Variants in GRK3 observed in about 807,000 individuals in gnomAD.
The protein encoded by GRK3 is G protein-coupled receptor kinase 3, also known as adrenergic, beta, receptor kinase 2.
Under a neutral mutation model 95.7 loss-of-function variants are expected in GRK3, and 54 were observed. The observed-to-expected ratio is 0.56, with a 90% confidence interval of 0.45 to 0.71. GRK3 has a LOEUF of 0.71. Among genes scored for constraint, GRK3 ranks in the 30% least tolerant of loss-of-function variants. The probability of loss-of-function intolerance (pLI) is 0.00; values close to 1 mark genes in which losing one functional copy is unlikely to be tolerated. For missense variants in GRK3, 649 were observed against 851.2 expected, an observed-to-expected ratio of 0.76 and a Z score of 2.96; for synonymous variants, 281 against 290.8, an observed-to-expected ratio of 0.97 and a Z score of 0.34.
Position 25,687,544 on chromosome 22 carries a change from T to C in GRK3, c.834T>C (p.Asp278=). Reference sequence around the variant, plus strand: ...TTCTGAATCTGATTCCAGGGGGCGATTTGCACTACCACCTTTCACAACACG... The same window carrying C: ...TTCTGAATCTGATTCCAGGGGGCGACTTGCACTACCACCTTTCACAACACG... ...CFILDLMNGG[D]LHYHLSQHGV... Residue 278 remains aspartate, a synonymous_variant, in exon 11 of 21, where the codon GAT becomes GAC. Transcript: ENST00000324198. The C allele has an allele frequency of 6.2e-7, 1 of 1,613,038 alleles. No individual in the cohort carries two copies. Among genetic ancestry groups the C allele is most frequent in the Non-Finnish European group, 8.5e-7 (1 of 1,179,676 alleles).
chr22:25,681,911 C>T (rs912415948), intron 9 of GRK3, among the ~76,000 whole-genome samples: 2 of 152,008 alleles, frequency 1.3e-5, no homozygotes, highest in Non-Finnish European at 2.9e-5. Flanking sequence ...AACTGTATCC[C>T]ACCCTTCATT....
At chr22:25,578,975 C>A (rs971980098) in intron 1 of GRK3, among the ~76,000 whole-genome samples, 1 of 152,012 alleles carries the variant, frequency 6.6e-6, no homozygotes, top group African/African-American at 2.4e-5. Flanking sequence ...GATCCCCAAA[C>A]AAGACAGAAG....
At chr22:25,614,153 G>A (rs978426300) in intron 2 of GRK3, among the ~76,000 whole-genome samples, 2 of 151,846 alleles carry the variant, frequency 1.3e-5, no homozygotes, top group Non-Finnish European at 2.9e-5. Flanking sequence ...TTTTGAGACG[G>A]GTCTCATTCT....
intron 4 of GRK3, 50 bp from the exon 5 acceptor site, chr22:25,663,580 C>T: frequency 2.4e-6 from 3 of 1,238,076 alleles, no homozygotes; most frequent in Non-Finnish European, 2.3e-6. Context: ...ATAACATACA[C>T]AGATTGGTTA....
chr22:25,600,933 A>G lies in GRK3; in HGVS notation c.114-3444A>G, dbSNP rs75450881. 6.4e-3 allele frequency among the ~76,000 whole-genome samples: 981 copies of G among 152,360 alleles called. 17 individuals carry two copies. Among genetic ancestry groups the G allele is most frequent in the African/African-American group, 0.023 (936 of 41,586 alleles). ...AACAGGCATTAAAAAGGTGTATTTC[A>G]TAATGATCATGGGGTTATTTCACCA... is the stretch of plus-strand genomic sequence containing the variant. On this transcript the variant is annotated intron_variant, in intron 1 of 20. Coordinates refer to ENST00000324198, the MANE Select transcript of GRK3 (RefSeq NM_005160.4).
intron 18 of GRK3, among the ~76,000 whole-genome samples, chr22:25,717,835 A>C (rs1186227769): frequency 6.6e-6 from 1 of 152,196 alleles, no homozygotes; most frequent in Non-Finnish European, 1.5e-5. Context: ...TATTATTTTT[A>C]AGATAAAAGG....
rs538345775 is a variant in GRK3, at chr22:25,654,836, C to T, written c.265-6740C>T. Among the ~76,000 whole-genome samples, 12 of 152,274 alleles carry T rather than the reference C, an allele frequency of 7.9e-5. No individual in the cohort carries two copies. The South Asian group carries it at 2.5e-3, about 32-fold the overall frequency. On this transcript the variant is annotated intron_variant, in intron 3 of 20. Transcript: ENST00000324198. ...CTTGAAGCATTGGTGTTTCTCTTAG[C>T]TGGCATCCTCCCCAGCTCTTCTCAC...
At chr22:25,691,366 C>T (rs917375033) in intron 12 of GRK3, among the ~76,000 whole-genome samples, 2 of 152,078 alleles carry the variant, frequency 1.3e-5, no homozygotes, top group Admixed American at 6.6e-5. Context: ...ACAGATCCTT[C>T]TCTTTGTGTA....
intron 2 of GRK3, among the ~76,000 whole-genome samples, chr22:25,608,015 C>G (rs1042703876): frequency 5.3e-5 from 8 of 152,128 alleles, no homozygotes; most frequent in African/African-American, 1.9e-4. Context: ...CTGTGTACGT[C>G]GTAGCAGGAG....
chr22:25,692,323 G>T (rs776044507), intron 12 of GRK3, among the ~76,000 whole-genome samples: 2 of 152,170 alleles, frequency 1.3e-5, no homozygotes, highest in South Asian at 4.1e-4. Flanking sequence ...TAAAGGCTCT[G>T]GAGCCAACAG....
chr22:25,692,061 C>A (rs2085169024), intron 12 of GRK3, among the ~76,000 whole-genome samples: 1 of 152,112 alleles, frequency 6.6e-6, no homozygotes, highest in Non-Finnish European at 1.5e-5. Context: ...CCTCCCGGGC[C>A]CAAGTGATCC....
At chr22:25,698,257 GA>G (rs1248645129) in intron 13 of GRK3, among the ~76,000 whole-genome samples, 1 of 151,582 alleles carries the variant, frequency 6.6e-6, no homozygotes, top group Non-Finnish European at 1.5e-5. Flanking sequence ...AAAAGGGAAG[GA>G]AGGAAGGGAG....
intron 2 of GRK3, among the ~76,000 whole-genome samples, chr22:25,637,853 C>T (rs1404851712): frequency 6.6e-6 from 1 of 152,204 alleles, no homozygotes; most frequent in Non-Finnish European, 1.5e-5. Flanking sequence ...TCCAGGATAG[C>T]TGATGGTGCA....
chr22:25,705,989 G>T (rs1019731731), intron 15 of GRK3, among the ~76,000 whole-genome samples: 30 of 152,096 alleles, frequency 2.0e-4, no homozygotes, highest in Non-Finnish European at 5.9e-5. Flanking sequence ...TCAGCTTGGA[G>T]ACCACCCTTT....
rs555204803 is a variant in GRK3 at position 25,569,751 on chromosome 22, C to G, written c.113+4598C>G. Among the ~76,000 whole-genome samples the G allele has an allele frequency of 5.9e-5, 9 of 152,310 alleles. No homozygotes were observed. The South Asian group carries it at 1.9e-3, about 32-fold the overall frequency. On this transcript the variant is annotated intron_variant, in intron 1 of 20. Transcript: ENST00000324198. ...CCTGGCAAGGGAAAGAGAAGTTTAACGTCCATGATGTAATAATGTAATAAC... is the reference window on the plus strand; with the variant it reads ...CCTGGCAAGGGAAAGAGAAGTTTAAGGTCCATGATGTAATAATGTAATAAC...
At chr22:25,575,149 T>C (rs1053003305) in intron 1 of GRK3, among the ~76,000 whole-genome samples, 1 of 152,242 alleles carries the variant, frequency 6.6e-6, no homozygotes, top group Admixed American at 6.5e-5. Flanking sequence ...AGCTTGACTC[T>C]CCACATTTCT....
chr22:25,596,678 T>C (rs2084374546), intron 1 of GRK3, among the ~76,000 whole-genome samples: 1 of 152,196 alleles, frequency 6.6e-6, no homozygotes, highest in African/African-American at 2.4e-5. Flanking sequence ...TAGCATGTCT[T>C]GTAACTTGTT....
intron 1 of GRK3, among the ~76,000 whole-genome samples, chr22:25,573,048 T>A (rs1308184086): frequency 6.6e-6 from 1 of 152,206 alleles, no homozygotes; most frequent in Non-Finnish European, 1.5e-5. Context: ...GGTCTCTTAT[T>A]ATCCTTTTGT....
At chr22:25,649,265 C>T in intron 3 of GRK3, 1 of 1,023,410 alleles carries the variant, frequency 9.8e-7, no homozygotes, top group African/African-American at 1.6e-5. Context: ...ATGCTCACAT[C>T]TGCCAAAATG....
Sources: gnomAD v4.1 joint callset for allele counts (sites outside exome capture counted in the v4.1 genomes callset) on GRCh38, gnomAD v4.1.1 for gene constraint, MANE v1.5 for transcripts, NCBI Gene and HGNC (gene_info 2026-07-23, HGNC 2026-07-21) for gene names.